Variants in RASIP1 observed in about 807,000 individuals in gnomAD.
The protein encoded by RASIP1 is ras-interacting protein 1.
RASIP1 carries 20 observed loss-of-function variants against 85.3 expected under a neutral mutation model. The observed-to-expected ratio is 0.23, with a 90% confidence interval of 0.17 to 0.34. The LOEUF (loss-of-function observed/expected upper bound fraction) is 0.34. Ranked by LOEUF, RASIP1 falls within the 10% of genes least tolerant of loss-of-function variation. The pLI is 1.00. For synonymous variants in RASIP1, 617 were observed against 647.1 expected (o/e 0.95, Z 0.71); for missense variants, 1,170 against 1,390.9 (o/e 0.84, Z 2.53).
intron 4 of RASIP1, among the ~76,000 whole-genome samples, chr19:48,732,316 C>T (rs1404431875): frequency 1.3e-5 from 2 of 151,048 alleles, no homozygotes; most frequent in Non-Finnish European, 2.9e-5. Context: ...AGTGCAGTGG[C>T]GCGATCTCGG....
rs1256256033 is a variant in RASIP1, at chr19:48,735,492, C to G, written c.883G>C (p.Ala295Pro). 6.4e-7 allele frequency: 1 copy of G among 1,560,950 alleles called. No individual in the cohort carries two copies. Among genetic ancestry groups the G allele is most frequent in the East Asian group, 2.4e-5 (1 of 41,720 alleles). ...CCCGGGCCAGGACTGGCCAGCGCTG[C>G]CCCACCCGACGCCGCCCGGGAGCGG... Reference protein sequence around the residue: ...KNRSRAASGGAALASPGPGTG... With the variant: ...KNRSRAASGGPALASPGPGTG... Residue 295 changes from alanine to proline, a missense_variant, in exon 4 of 12, where the codon GCA becomes CCA. Ala to Pro is a conservative substitution (Grantham distance 27). This residue lies in a region of RASIP1 where 301 missense variants were observed against 294.8 expected (regional missense o/e 1.02). Transcript: ENST00000222145.
rs2033627183 is a variant in RASIP1, at chr19:48,739,248, C to T, written c.535G>A (p.Ala179Thr). 6.8e-7 allele frequency: 1 copy of T among 1,474,556 alleles called. No individual in the cohort carries two copies. The highest frequency in any genetic ancestry group is 8.9e-7 in the Non-Finnish European group (1 of 1,120,240). The allele number at this position is 1,474,556 out of a possible 1,614,324, so 91.3% of individuals were successfully genotyped here. A position where few individuals can be genotyped will look rare whatever the true frequency, so the allele number is the denominator to read the frequency against. Residue 179 changes from alanine (A) to threonine (T), a missense_variant, in exon 3 of 12, where the codon GCG (alanine) becomes ACG (threonine). Physicochemically the swap from Ala to Thr is moderately conservative, Grantham distance 58. Around this residue, in one of 4 missense-constraint regions of RASIP1, gnomAD observed 299 missense variants for 394.4 expected, o/e 0.76. Transcript: ENST00000222145. The surrounding 1 kb of genome is among the most constrained non-coding windows in gnomAD (Gnocchi z 9.2). ...CCTGCTAGGCCGTAGCGCTCTAGCG[C>T]CTCGGCCACGAGCTCGCGCGCCGTG... ...RSTARELVAE[A>T]LERYGLAGSP...
intron 4 of RASIP1, among the ~76,000 whole-genome samples, chr19:48,733,127 G>T (rs1239353511): frequency 6.6e-6 from 1 of 152,054 alleles, no homozygotes; most frequent in Non-Finnish European, 1.5e-5. Flanking sequence ...TGGGCTCAGG[G>T]GATTCTCCTG....
In RASIP1 at chr19:48,740,254, C is replaced by T. The variant is rs764089172; in HGVS notation, c.29G>A (p.Gly10Glu). 21 of 1,588,090 alleles carry T rather than the reference C, an allele frequency of 1.3e-5. No homozygotes were observed. In the Middle Eastern group the frequency reaches 6.7e-4, roughly 51 times the overall value. ...ATGAAGCTTCCCGAAGCGGGGGCTT[C>T]CGCCCTCCTTCCGTTCACCAGACAG... is the stretch of plus-strand genomic sequence containing the variant. MLSGERKEGGSPRFGKLHLP... is the reference protein window; with the variant it reads MLSGERKEGESPRFGKLHLP... The change falls in exon 2 of 12, where the codon GGA (glycine) becomes GAA (glutamate). Residue 10 changes from glycine (G) to glutamate (E), a missense_variant. Physicochemically the swap from Gly to Glu is moderately conservative, Grantham distance 98 (BLOSUM62 -2). Coordinates refer to ENST00000222145, the MANE Select transcript of RASIP1 (RefSeq NM_017805.3). The surrounding 1 kb of genome is among the most constrained non-coding windows in gnomAD (Gnocchi z 5.5).
chr19:48,730,885 C>T (rs1037754728), intron 4 of RASIP1, among the ~76,000 whole-genome samples: 9 of 152,134 alleles, frequency 5.9e-5, no homozygotes, highest in Non-Finnish European at 1.3e-4. Flanking sequence ...GGCATGGTGG[C>T]GCATGACTGT....
At chr19:48,731,426 C>G (rs2033456231) in intron 4 of RASIP1, among the ~76,000 whole-genome samples, 2 of 152,124 alleles carry the variant, frequency 1.3e-5, no homozygotes, top group Admixed American at 1.3e-4. Flanking sequence ...ATTCCAATCC[C>G]CAAAAAGGAC....
intron 4 of RASIP1, among the ~76,000 whole-genome samples, chr19:48,733,815 A>AG (rs1406857109): frequency 6.6e-6 from 1 of 151,184 alleles, no homozygotes; most frequent in Non-Finnish European, 1.5e-5. Context: ...CAAAAAAAAA[A>AG]AAGTGTGGGG....
In RASIP1 at chr19:48,721,903, C is replaced by T. The variant is rs1406676308; in HGVS notation, c.2643G>A (p.Pro881=). 7 of 1,604,552 alleles carry T rather than the reference C, an allele frequency of 4.4e-6. No homozygotes were observed. Among genetic ancestry groups the T allele is most frequent in the East Asian group, 4.6e-5 (2 of 43,916 alleles). ...CAGGGGGAGGGTCCCACGCGGCTGG[C>T]GGCCCGCGGCCAGGGCCCAGCTGAT... The part of the protein sequence containing the change: ...SHYQLGPGRG[P]PAAWDPPPAE... Residue 881 remains proline, a synonymous_variant, in exon 11 of 12, where the codon CCG becomes CCA. Transcript: ENST00000222145.
chr19:48,731,046 C>T lies in RASIP1; in HGVS notation c.1180-1456G>A, dbSNP rs373031471. Among the ~76,000 whole-genome samples the T allele has an allele frequency of 8.5e-5, 13 of 152,076 alleles. 3 individuals carry two copies. Among genetic ancestry groups the T allele is most frequent in the South Asian group, 2.1e-4 (1 of 4,802 alleles). On this transcript the variant is annotated intron_variant, in intron 4 of 11. Transcript: ENST00000222145. ...GGCCGGGCGCAGTGGAGACCAAGGC[C>T]GGCAGATCACCTGAGGTAGGGAGTT...
chr19:48,729,558 C>A lies in RASIP1; in HGVS notation c.1212G>T (p.Gln404His). The change falls in exon 5 of 12, where the codon CAG becomes CAT. Residue 404 changes from glutamine to histidine, a missense_variant. Transcript: ENST00000222145. The stretch of plus-strand genomic sequence containing the variant: ...AGTTCCCACCTCGCCCAAACACGTG[C>A]TGCTCTCGCGTCATCACATACACCA... The part of the protein sequence containing the change: ...DFVVYVMTRE[Q>H]HVFGRGGNSS... The A allele has an allele frequency of 6.2e-7, 1 of 1,602,184 alleles. No individual in the cohort carries two copies. Among genetic ancestry groups the A allele is most frequent in the Non-Finnish European group, 8.5e-7 (1 of 1,174,882 alleles).
chr19:48,737,057 C>CA (rs1012000284), intron 3 of RASIP1, among the ~76,000 whole-genome samples: 5 of 151,904 alleles, frequency 3.3e-5, no homozygotes, highest in Admixed American at 3.3e-4. Flanking sequence ...ACAACAACAA[C>CA]AAAAAAACAA....
At chr19:48,721,115 T>A in intron 11 of RASIP1, 118 bp from the exon 12 acceptor site, 2 of 883,476 alleles carry the variant, frequency 2.3e-6, no homozygotes, top group South Asian at 3.7e-5. Flanking sequence ...CCCCAGCAAC[T>A]CCTGGGGCGG....
intron 10 of RASIP1, among the ~76,000 whole-genome samples, chr19:48,723,964 A>G (rs1426177548): frequency 6.6e-6 from 1 of 152,062 alleles, no homozygotes; most frequent in Non-Finnish European, 1.5e-5. Flanking sequence ...TGCGCCATCA[A>G]GCCTGGCTAA....
Position 48,738,872 on chromosome 19 carries a change from A to T in RASIP1, c.823+88T>A. The T allele has an allele frequency of 1.4e-6, 1 of 710,406 alleles. No homozygotes were observed. The highest frequency in any genetic ancestry group is 1.7e-6 in the Non-Finnish European group (1 of 580,152). 44.0% of individuals were successfully genotyped at this position (710,406 alleles called of 1,614,324 possible). ...GGGCCCCGCCCCCAGCCAGCCCGCG[A>T]GTCCCACAAGCCCCGCCCAGGCCCC... is the stretch of plus-strand genomic sequence containing the variant. On this transcript the variant is annotated intron_variant, in intron 3 of 11. Transcript: ENST00000222145. This position sits in a 1 kb window ranked among gnomAD's most constrained non-coding sequence, Gnocchi z 4.0.
At chr19:48,725,722 G>A (rs1330684482) in intron 8 of RASIP1, 2 of 152,118 alleles carry the variant, frequency 1.3e-5, no homozygotes, top group African/African-American at 4.8e-5. Flanking sequence ...GATGAAAGAG[G>A]ATCTTCAGTT....
intron 8 of RASIP1, 117 bp from the exon 9 acceptor site, chr19:48,725,077 C>G (rs1361803148): frequency 7.9e-7 from 1 of 1,273,102 alleles, no homozygotes; most frequent in Non-Finnish European, 1.1e-6. Flanking sequence ...AGTTGTAGTC[C>G]ATTCTACAGT....
chr19:48,729,907 G>T (rs2122447666), intron 4 of RASIP1, among the ~76,000 whole-genome samples: 1 of 151,842 alleles, frequency 6.6e-6, no homozygotes, highest in Admixed American at 6.6e-5. Context: ...TAGGGAAAGG[G>T]TTTCACCATG....
intron 10 of RASIP1, among the ~76,000 whole-genome samples, chr19:48,723,533 C>G (rs2033286791): frequency 6.7e-6 from 1 of 148,612 alleles, no homozygotes; most frequent in African/African-American, 2.5e-5. Context: ...GCACTCCAGC[C>G]TGGGTGACAG....
intron 10 of RASIP1, among the ~76,000 whole-genome samples, chr19:48,723,274 A>C (rs1179934632): frequency 6.6e-6 from 1 of 152,088 alleles, no homozygotes; most frequent in Non-Finnish European, 1.5e-5. Context: ...AAATAATTGA[A>C]ATTGGCCGGC....
Sources: gnomAD v4.1 joint callset for allele counts (sites outside exome capture counted in the v4.1 genomes callset) on GRCh38, gnomAD v4.1.1 for gene constraint, gnomAD v4.1.1 regional missense constraint, Gnocchi (gnomAD v3.1) non-coding constraint, MANE v1.5 for transcripts, NCBI Gene and HGNC (gene_info 2026-07-23, HGNC 2026-07-21) for gene names.